The following BRCA2 variants were observed in gnomAD, a reference collection of about 807,000 sequenced individuals.
The protein encoded by BRCA2 is BRCA2 DNA repair associated, also known as breast cancer type 2 susceptibility protein.
Under a neutral mutation model 276.7 loss-of-function variants are expected in BRCA2, and 203 were observed. That is an observed-to-expected ratio of 0.73 (90% CI 0.65 to 0.82). The LOEUF (loss-of-function observed/expected upper bound fraction) is 0.82. Ranked by LOEUF, BRCA2 falls within the 40% of genes least tolerant of loss-of-function variation. BRCA2 has a pLI of 0.00. For missense variants in BRCA2, 3,920 were observed against 3,915.0 expected (o/e 1.00, Z -0.03); for synonymous variants, 1,289 against 1,338.4 (o/e 0.96, Z 0.81).
intron 11 of BRCA2, among the ~76,000 whole-genome samples, chr13:32,343,851 C>T (rs1177053790): frequency 1.3e-5 from 2 of 152,064 alleles, no homozygotes; most frequent in Non-Finnish European, 2.9e-5. Context: ...AACAATTAAA[C>T]CACTTTTATA....
intron 7 of BRCA2, among the ~76,000 whole-genome samples, chr13:32,327,330 C>A (rs1249052507): frequency 1.3e-5 from 2 of 152,102 alleles, no homozygotes; most frequent in African/African-American, 4.8e-5. Context: ...CACCTGTAAT[C>A]CCAGCTACCT....
intron 24 of BRCA2, among the ~76,000 whole-genome samples, chr13:32,380,459 G>T (rs1469043761): frequency 2.7e-5 from 4 of 150,124 alleles, no homozygotes; most frequent in Non-Finnish European, 5.9e-5. Context: ...TGTTATATTG[G>T]TGTCCTCAAT....
chr13:32,382,267 A>G (rs2072929857), intron 24 of BRCA2, among the ~76,000 whole-genome samples: 1 of 152,214 alleles, frequency 6.6e-6, no homozygotes, highest in Non-Finnish European at 1.5e-5. Context: ...TACAGGGGAC[A>G]TTTAAAGCCG....
At chr13:32,387,123 G>A (rs1461832544) in intron 24 of BRCA2, among the ~76,000 whole-genome samples, 1 of 152,148 alleles carries the variant, frequency 6.6e-6, no homozygotes, top group Non-Finnish European at 1.5e-5. Context: ...TAGGACACCA[G>A]TCATTATATT....
At chr13:32,320,314 A>G (rs971121203) in intron 3 of BRCA2, among the ~76,000 whole-genome samples, 2 of 152,172 alleles carry the variant, frequency 1.3e-5, no homozygotes, top group Non-Finnish European at 2.9e-5. Flanking sequence ...CTTATAGCAA[A>G]ATCTAAACTT....
chr13:32,340,996 C>T lies in BRCA2; in HGVS notation c.6641C>T (p.Thr2214Ile), dbSNP rs1566235063. 2 of 1,611,992 alleles carry T rather than the reference C, an allele frequency of 1.2e-6. No homozygotes were observed. Among genetic ancestry groups the T allele is most frequent in the African/African-American group, 1.3e-5 (1 of 74,764 alleles). Residue 2214 changes from threonine to isoleucine, a missense_variant, in exon 11 of 27, where the codon ACT (threonine) becomes ATT (isoleucine). This residue lies in a region of BRCA2 where 3,263 missense variants were observed against 3,156.9 expected (regional missense o/e 1.03). Transcript: ENST00000380152. ...AAAACAAATATAGAAGTTTGTTCTA[C>T]TTACTCCAAAGATTCAGAAAACTAC... ...PVKTNIEVCS[T>I]YSKDSENYFE...
intron 10 of BRCA2, among the ~76,000 whole-genome samples, chr13:32,335,082 G>A (rs989053550): frequency 1.3e-5 from 2 of 152,114 alleles, no homozygotes; most frequent in Non-Finnish European, 2.9e-5. Flanking sequence ...AGTGGCTCAC[G>A]CCTATAATCC....
chr13:32,375,558 T>C (rs965839480), intron 20 of BRCA2, among the ~76,000 whole-genome samples: 1 of 132,166 alleles, frequency 7.6e-6, no homozygotes, highest in Non-Finnish European at 1.6e-5. Flanking sequence ...TTATAAGACA[T>C]GTTTCTTTTT....
Position 32,340,219 on chromosome 13 carries a change from C to A in BRCA2, c.5864C>A (p.Ser1955Ter), listed in dbSNP as rs80358815. 4 of 1,613,790 alleles carry A rather than the reference C, an allele frequency of 2.5e-6. No individual in the cohort carries two copies. The highest frequency in any genetic ancestry group is 2.2e-5 in the East Asian group (1 of 44,852). The change falls in exon 11 of 27, where the codon TCA becomes TAA. Residue 1955 changes from serine to a stop codon, truncating the protein, a stop_gained. Transcript: ENST00000380152. LOFTEE classifies it high-confidence loss of function. ...ISPCDVSLET[S>*]DICKCSIGKL... ...CCTTGTGATGTTAGTTTGGAAACTT[C>A]AGATATATGTAAATGTAGTATAGGG...
intron 4 of BRCA2, among the ~76,000 whole-genome samples, 196 bp from the exon 5 acceptor site, chr13:32,325,905 G>T (rs1004709195): frequency 1.3e-5 from 2 of 152,150 alleles, no homozygotes; most frequent in Admixed American, 6.5e-5. Flanking sequence ...GAGTACATAT[G>T]TGTTGGCATT....
chr13:32,317,823 AATT>A (rs1250620156), intron 2 of BRCA2, among the ~76,000 whole-genome samples: 1 of 152,244 alleles, frequency 6.6e-6, no homozygotes, highest in Non-Finnish European at 1.5e-5. Flanking sequence ...ATGTCTACCA[AATT>A]ATTTAAGTTG....
chr13:32,395,456 G>T (rs1300772354), intron 25 of BRCA2, among the ~76,000 whole-genome samples: 3 of 152,102 alleles, frequency 2.0e-5, no homozygotes, highest in Admixed American at 2.0e-4. Flanking sequence ...TGTTTACTAT[G>T]TGTCAGACCT....
chr13:32,338,144 T>C lies in BRCA2; in HGVS notation c.3789T>C (p.Ser1263=), dbSNP rs876659185. The part of the protein sequence containing the change: ...AEVHPISLSS[S]KCHDSVVSMF... Reference sequence around the variant, plus strand: ...TACATCCAATAAGTTTATCTTCAAGTAAATGTCATGATTCTGTTGTTTCAA... The same window carrying C: ...TACATCCAATAAGTTTATCTTCAAGCAAATGTCATGATTCTGTTGTTTCAA... The change falls in exon 11 of 27, where the codon AGT becomes AGC. Residue 1263 remains serine (S), a synonymous_variant. Coordinates refer to ENST00000380152, the MANE Select transcript of BRCA2 (RefSeq NM_000059.4). The C allele has an allele frequency of 6.2e-7, 1 of 1,602,044 alleles. No individual in the cohort carries two copies. The highest frequency in any genetic ancestry group is 8.5e-7 in the Non-Finnish European group (1 of 1,173,454).
rs1241704385 is a variant in BRCA2, at chr13:32,316,501, T to A, written c.41T>A (p.Ile14Asn). The A allele has an allele frequency of 6.2e-7, 1 of 1,614,092 alleles. No homozygotes were observed. The highest frequency in any genetic ancestry group is 8.5e-7 in the Non-Finnish European group (1 of 1,179,922). ...GSKERPTFFE[I>N]FKTRCNKADL... Reference sequence around the variant, plus strand: ...AAAGAGAGGCCAACATTTTTTGAAATTTTTAAGACACGCTGCAACAAAGCA... The same window carrying A: ...AAAGAGAGGCCAACATTTTTTGAAAATTTTAAGACACGCTGCAACAAAGCA... Residue 14 changes from isoleucine (I) to asparagine (N), a missense_variant, in exon 2 of 27, where the codon ATT becomes AAT. Transcript: ENST00000380152.
intron 9 of BRCA2, 149 bp downstream of exon 9, chr13:32,331,179 C>G: frequency 1.5e-6 from 1 of 650,002 alleles, no homozygotes; most frequent in Non-Finnish European, 2.8e-6. Flanking sequence ...CCTCAGCTTG[C>G]CAAGTAGCTG....
chr13:32,367,016 G>A (rs2072787514), intron 18 of BRCA2, among the ~76,000 whole-genome samples: 1 of 152,092 alleles, frequency 6.6e-6, no homozygotes, highest in Admixed American at 6.6e-5. Flanking sequence ...ATATGAATCT[G>A]GAAAGTCTTG....
Position 32,337,238 on chromosome 13 carries a change from G to A in BRCA2, c.2883G>A (p.Gln961=), listed in dbSNP as rs11571655. 2,503 of 1,611,840 alleles carry A rather than the reference G, an allele frequency of 1.6e-3. 3 individuals are homozygous for A. The highest frequency in any genetic ancestry group is 2.0e-3 in the Non-Finnish European group (2,409 of 1,179,328). The change falls in exon 11 of 27, where the codon CAG becomes CAA. Residue 961 remains glutamine, a synonymous_variant. Coordinates refer to ENST00000380152, the MANE Select transcript of BRCA2 (RefSeq NM_000059.4). ...AGGAGAACAAAAATAGTGTAAAGCA[G>A]CATATAAAAATGACTCTAGGTCAAG... ...LAEENKNSVK[Q]HIKMTLGQDL...
At chr13:32,368,232 C>T (rs945117005) in intron 18 of BRCA2, among the ~76,000 whole-genome samples, 5 of 151,518 alleles carry the variant, frequency 3.3e-5, no homozygotes, top group Non-Finnish European at 7.4e-5. Context: ...ATGTTGGCTA[C>T]GCTGGTGTTG....
intron 20 of BRCA2, among the ~76,000 whole-genome samples, chr13:32,371,914 G>A (rs1480009255): frequency 6.6e-6 from 1 of 152,142 alleles, no homozygotes. Flanking sequence ...ACACTTTATT[G>A]CTAAAAAATG....
Sources: gnomAD v4.1 joint callset for allele counts (sites outside exome capture counted in the v4.1 genomes callset) on GRCh38, gnomAD v4.1.1 for gene constraint, gnomAD v4.1.1 regional missense constraint, MANE v1.5 for transcripts, NCBI Gene and HGNC (gene_info 2026-07-23, HGNC 2026-07-21) for gene names.